Variants in TTLL8 observed in about 807,000 individuals in gnomAD.
TTLL8 encodes protein monoglycylase TTLL8.
In TTLL8, 65 loss-of-function variants were observed where a neutral mutation model predicts 77.8. The ratio of observed to expected loss-of-function variants is 0.84; its 90% CI spans 0.68 to 1.03. The LOEUF (loss-of-function observed/expected upper bound fraction) is 1.03, where lower values mean the gene tolerates loss of function less well. Among genes scored for constraint, TTLL8 ranks in the 50% least tolerant of loss-of-function variants. TTLL8 has a pLI of 0.00. For missense variants in TTLL8, 910 were observed against 1,004.5 expected (o/e 0.91, Z 1.27); for synonymous variants, 402 against 422.8 (o/e 0.95, Z 0.60).
intron 8 of TTLL8, among the ~76,000 whole-genome samples, chr22:50,039,765 A>G (rs150559059): frequency 4.6e-5 from 7 of 151,070 alleles, no homozygotes; most frequent in Non-Finnish European, 7.4e-5. Flanking sequence ...GACCTCATGG[A>G]CCTCATGTGT....
chr22:50,034,234 C>G lies in TTLL8; in HGVS notation c.1039+111G>C, dbSNP rs2061319343. On this transcript the variant is annotated intron_variant, in intron 9 of 13. Transcript: ENST00000266182. The surrounding 1 kb of genome is among the most constrained non-coding windows in gnomAD (Gnocchi z 4.1). ...CACGCCTGCCTCGGCGTTCTGCTCCCTCCCTTCCTTCCCTGTGGTGCTGTG... is the reference window on the plus strand; with the variant it reads ...CACGCCTGCCTCGGCGTTCTGCTCCGTCCCTTCCTTCCCTGTGGTGCTGTG... 8.3e-7 allele frequency: 1 copy of G among 1,207,054 alleles called. No homozygotes were observed. Among genetic ancestry groups the G allele is most frequent in the Non-Finnish European group, 1.1e-6 (1 of 944,166 alleles). 74.8% of individuals were successfully genotyped at this position (1,207,054 alleles called of 1,614,324 possible).
Position 50,048,382 on chromosome 22 carries a change from A to T in TTLL8, c.264+867T>A, listed in dbSNP as rs146605104. Among the ~76,000 whole-genome samples, 983 of 152,180 alleles carry T rather than the reference A, an allele frequency of 6.5e-3. 10 individuals are homozygous for T. Among genetic ancestry groups the T allele is most frequent in the African/African-American group, 0.02 (813 of 41,504 alleles). ...AGGTCATGAGCCTGAGCCCCTTATG[A>T]TGGGCTAGCACCCTTATAAAAGAGG... is the stretch of plus-strand genomic sequence containing the variant. On this transcript the variant is annotated intron_variant, in intron 3 of 13. Transcript: ENST00000266182.
upstream of TTLL8, chr22:50,056,733 G>T (rs112846911): frequency 1.6e-6 from 2 of 1,264,870 alleles, no homozygotes; most frequent in South Asian, 1.3e-5. This position sits in a 1 kb window ranked among gnomAD's most constrained non-coding sequence, Gnocchi z 4.1. Context: ...AAGAGAAGGC[G>T]CCTGGTTCTG....
exon 12 of TTLL8, chr22:50,030,779 G>T (rs776223608): frequency 2.2e-6 from 3 of 1,347,226 alleles, no homozygotes; most frequent in Non-Finnish European, 3.0e-6. Context: ...TGGCCGAGGG[G>T]CCCCGTGCCT....
At position 50,032,223 on chromosome 22, in the gene TTLL8, C is replaced by G. The variant is rs370244319; in HGVS notation, c.1284-114G>C. Reference sequence around the variant, plus strand: ...CAGCTGGCTCTAGAGAACCCTGCCCCTGAGGACTCCAACCCTCTGCTGGAG... The same window carrying G: ...CAGCTGGCTCTAGAGAACCCTGCCCGTGAGGACTCCAACCCTCTGCTGGAG... On this transcript the variant is annotated intron_variant, in intron 10 of 13. Coordinates refer to ENST00000266182, the Ensembl canonical transcript of TTLL8. 4,481 of 1,122,392 alleles carry G rather than the reference C, an allele frequency of 4.0e-3. 14 individuals are homozygous for G. Among genetic ancestry groups the G allele is most frequent in the Middle Eastern group, 9.4e-3 (26 of 2,772 alleles). 69.5% of individuals were successfully genotyped at this position (1,122,392 alleles called of 1,614,324 possible). A position where few individuals can be genotyped will look rare whatever the true frequency, so the allele number is the denominator to read the frequency against.
At chr22:50,048,115 A>AGTGT (rs34500180) in intron 3 of TTLL8, among the ~76,000 whole-genome samples, 7,836 of 145,660 alleles carry the variant, frequency 0.054, 262 homozygotes, top group African/African-American at 0.1. Context: ...CCCCCAAAAA[A>AGTGT]GTGTGTGTGT....
chr22:50,044,569 G>C lies in TTLL8; in HGVS notation c.643+686C>G, dbSNP rs193017728. The stretch of plus-strand genomic sequence containing the variant: ...GGGCTTTTCCCCTCGGTGGAGCCCT[G>C]CAGCCTCCTGATTGGCACAAATCAC... On this transcript the variant is annotated intron_variant, in intron 6 of 13. Coordinates refer to ENST00000266182, the Ensembl canonical transcript of TTLL8. The surrounding 1 kb of genome is among the most constrained non-coding windows in gnomAD (Gnocchi z 4.2). 1.6e-3 allele frequency among the ~76,000 whole-genome samples: 237 copies of C among 152,204 alleles called. 3 individuals are homozygous for C. The highest frequency in any genetic ancestry group is 0.013 in the Admixed American group (192 of 15,288).
chr22:50,033,723 G>A (rs1453148381), intron 9 of TTLL8, among the ~76,000 whole-genome samples: 1 of 152,216 alleles, frequency 6.6e-6, no homozygotes, highest in Non-Finnish European at 1.5e-5. Context: ...AAGGGGCAGG[G>A]ACAGAGACAC....
At chr22:50,040,043 C>T (rs5771130) in intron 8 of TTLL8, among the ~76,000 whole-genome samples, 9,164 of 144,782 alleles carry the variant, frequency 0.063, 414 homozygotes, top group East Asian at 0.25. Context: ...ACAGACCCCA[C>T]GTGTGCCAGT....
chr22:50,048,299 G>T (rs1329695076), intron 3 of TTLL8, among the ~76,000 whole-genome samples: 1 of 152,058 alleles, frequency 6.6e-6, no homozygotes, highest in African/African-American at 2.4e-5. Context: ...CTGTCTCTCT[G>T]GAATGCATGT....
In TTLL8 at chr22:50,044,980, C is replaced by T. The variant is rs942378007; in HGVS notation, c.643+275G>A. On this transcript the variant is annotated intron_variant, in intron 6 of 13. Coordinates refer to ENST00000266182, the Ensembl canonical transcript of TTLL8. This position sits in a 1 kb window ranked among gnomAD's most constrained non-coding sequence, Gnocchi z 4.2. ...TCCGACCACAGGCTGGAACCACGTC[C>T]GCGGCACAGGACTGTGGCAGTGAGT... Among the ~76,000 whole-genome samples the T allele has an allele frequency of 2.0e-5, 3 of 152,252 alleles. No individual in the cohort carries two copies. Among genetic ancestry groups the T allele is most frequent in the South Asian group, 2.1e-4 (1 of 4,830 alleles).
chr22:50,041,093 G>T lies in TTLL8; in HGVS notation c.921+94C>A. 1 of 353,016 alleles carries T rather than the reference G, an allele frequency of 2.8e-6. No individual in the cohort carries two copies. The highest frequency in any genetic ancestry group is 2.5e-5 in the South Asian group (1 of 40,254). The allele number at this position is 353,016 out of a possible 1,614,324, so 21.9% of individuals were successfully genotyped here. On this transcript the variant is annotated intron_variant, in intron 8 of 13. Transcript: ENST00000266182. This position sits in a 1 kb window ranked among gnomAD's most constrained non-coding sequence, Gnocchi z 4.3. ...CACCTCTGCCAGTCACTCGCCAGCT[G>T]CCAGGAGCTCTGGGCCCAGGCACAC...
intron 3 of TTLL8, among the ~76,000 whole-genome samples, chr22:50,047,606 G>C (rs1236511146): frequency 6.6e-6 from 1 of 152,162 alleles, no homozygotes. Flanking sequence ...TTGCCGAGGT[G>C]ACACGACACT....
chr22:50,046,128 C>T (rs2061409887), intron 4 of TTLL8, among the ~76,000 whole-genome samples, 158 bp from the exon 7 acceptor site: 1 of 152,190 alleles, frequency 6.6e-6, no homozygotes, highest in Non-Finnish European at 1.5e-5. Flanking sequence ...GATATACGGT[C>T]CCCCAGGGCC....
rs140475741 is a variant in TTLL8, at chr22:50,028,613, G to A, written c.2203+1817C>T. 7.8e-3 allele frequency among the ~76,000 whole-genome samples: 695 copies of A among 88,812 alleles called. 13 individuals are homozygous for A. The highest frequency in any genetic ancestry group is 0.018 in the Middle Eastern group (3 of 166). The allele number at this position is 88,812 out of a possible 152,430, so 58.3% of individuals were successfully genotyped here. On this transcript the variant is annotated intron_variant, in intron 12 of 13. Coordinates refer to ENST00000266182, the Ensembl canonical transcript of TTLL8. ...CCCTCGTAAAGACCCCCATCACACCGTCCTGAAGACCCCCACATACCCTCG... is the reference window on the plus strand; with the variant it reads ...CCCTCGTAAAGACCCCCATCACACCATCCTGAAGACCCCCACATACCCTCG...
At chr22:50,057,068 C>T (rs550685027), upstream of TTLL8, 627 of 891,162 alleles carry the variant, frequency 7.0e-4, 1 homozygote, top group Non-Finnish European at 8.3e-4. Context: ...AGGGTCAGGT[C>T]TGGGGTTGGG....
rs2061455534 is a variant in TTLL8 at position 50,053,571 on chromosome 22, T to TAAAC, written c.51+1004_51+1005insGTTT. ...TTATAAACTTTAAAACATTTATGTTTATAAATGTTTATACATTTAAAGGTT... is the reference window on the plus strand; with the variant it reads ...TTATAAACTTTAAAACATTTATGTTTAAACATAAATGTTTATACATTTAAAGGTT... On this transcript the variant is annotated intron_variant, in intron 1 of 13. Coordinates refer to ENST00000266182, the Ensembl canonical transcript of TTLL8. Among the ~76,000 whole-genome samples the TAAAC allele has an allele frequency of 2.0e-5, 3 of 152,358 alleles. No homozygotes were observed. The South Asian group carries it at 6.2e-4, about 32-fold the overall frequency.
intron 1 of TTLL8, among the ~76,000 whole-genome samples, chr22:50,051,769 G>T (rs370165776): frequency 1.3e-5 from 2 of 152,056 alleles, no homozygotes; most frequent in Admixed American, 6.5e-5. Context: ...GTTTTAATTC[G>T]CATTTCCCTG....
At chr22:50,023,230 T>C (rs2061214692) in intron 12 of TTLL8, among the ~76,000 whole-genome samples, 1 of 152,212 alleles carries the variant, frequency 6.6e-6, no homozygotes, top group African/African-American at 2.4e-5. Context: ...ATGAAAACTA[T>C]GCAATAATAT....
Sources: allele counts gnomAD v4.1 joint callset (sites outside exome capture counted in the v4.1 genomes callset), GRCh38; gene constraint gnomAD v4.1.1; non-coding constraint Gnocchi (gnomAD v3.1); transcripts MANE v1.5; gene names NCBI Gene and HGNC (gene_info 2026-07-23, HGNC 2026-07-21).